The following GNAQ variants were observed in gnomAD, a reference collection of about 807,000 sequenced individuals.
The protein encoded by GNAQ is guanine nucleotide-binding protein G(q) subunit alpha.
GNAQ carries 8 observed loss-of-function variants against 43.9 expected under a neutral mutation model. The ratio of observed to expected loss-of-function variants is 0.18; its 90% CI spans 0.11 to 0.33. The LOEUF (loss-of-function observed/expected upper bound fraction) is 0.33, where lower values mean the gene tolerates loss of function less well. Among genes scored for constraint, GNAQ ranks in the 10% least tolerant of loss-of-function variants. GNAQ has a pLI of 1.00. For synonymous variants in GNAQ, 155 were observed against 170.7 expected (o/e 0.91, Z 0.71); for missense variants, 158 against 450.8 (o/e 0.35, Z 5.88).
At chr9:77,960,783 T>C (rs17789364) in intron 1 of GNAQ, among the ~76,000 whole-genome samples, 5 of 115,554 alleles carry the variant, frequency 4.3e-5, no homozygotes, top group African/African-American at 1.6e-4. Flanking sequence ...CTAAAAAAAA[T>C]GATCTATTCA....
At chr9:77,946,602 C>G (rs1174475576) in intron 1 of GNAQ, among the ~76,000 whole-genome samples, 1 of 152,162 alleles carries the variant, frequency 6.6e-6, no homozygotes, top group Non-Finnish European at 1.5e-5. Flanking sequence ...AAAAACCAGT[C>G]TCTTCAAATA....
intron 1 of GNAQ, among the ~76,000 whole-genome samples, chr9:77,992,928 G>A (rs1249955341): frequency 3.9e-5 from 6 of 152,146 alleles, no homozygotes; most frequent in Non-Finnish European, 8.8e-5. Flanking sequence ...CTGTGCAACA[G>A]GGGCAAGACT....
intron 2 of GNAQ, among the ~76,000 whole-genome samples, chr9:77,828,416 C>T (rs1031007729): frequency 9.2e-5 from 14 of 152,220 alleles, no homozygotes; most frequent in Admixed American, 3.3e-4. Flanking sequence ...TGTAGTAGGG[C>T]CTCAGACTTT....
intron 5 of GNAQ, among the ~76,000 whole-genome samples, chr9:77,793,256 G>C (rs1826605468): frequency 6.6e-6 from 1 of 152,030 alleles, no homozygotes; most frequent in Non-Finnish European, 1.5e-5. Flanking sequence ...TAGAGTTATT[G>C]GGGGCAACTG....
intron 5 of GNAQ, among the ~76,000 whole-genome samples, chr9:77,741,612 G>A (rs764965431): frequency 4.6e-5 from 7 of 152,054 alleles, no homozygotes; most frequent in Non-Finnish European, 5.9e-5. Flanking sequence ...TTAGTGTCAG[G>A]GCAGTATATT....
chr9:77,911,133 G>A (rs866516194), intron 2 of GNAQ, among the ~76,000 whole-genome samples: 6 of 152,156 alleles, frequency 3.9e-5, no homozygotes, highest in African/African-American at 4.8e-5. Context: ...CTGAGCTGTG[G>A]CTGTGGAAGC....
chr9:77,946,059 G>C (rs956830608), intron 1 of GNAQ, among the ~76,000 whole-genome samples: 3 of 152,160 alleles, frequency 2.0e-5, no homozygotes, highest in African/African-American at 7.2e-5. Context: ...ATAGTTCACA[G>C]AACAAAATAT....
intron 5 of GNAQ, among the ~76,000 whole-genome samples, chr9:77,762,111 C>A (rs569565399): frequency 7.9e-6 from 1 of 126,406 alleles, no homozygotes; most frequent in South Asian, 2.6e-4. Flanking sequence ...CCGCCCCATC[C>A]GGGAGGGAGG....
intron 5 of GNAQ, among the ~76,000 whole-genome samples, chr9:77,759,649 G>A (rs186641010): frequency 2.0e-5 from 3 of 152,190 alleles, no homozygotes; most frequent in Admixed American, 2.0e-4. Flanking sequence ...CGTAACTTAG[G>A]AAACCATGCC....
intron 2 of GNAQ, among the ~76,000 whole-genome samples, chr9:77,894,312 A>AATATATAATAGAAAATATATATT (rs1828452280): frequency 5.6e-4 from 1 of 1,798 alleles, no homozygotes; most frequent in Non-Finnish European, 1.1e-3. Context: ...GAATATATAT[A>AATATATAATAGAAAATATATATT]ATATATATTT....
chr9:77,758,552 T>C (rs1486827163), intron 5 of GNAQ, among the ~76,000 whole-genome samples: 1 of 152,204 alleles, frequency 6.6e-6, no homozygotes, highest in African/African-American at 2.4e-5. Context: ...TCAAAATATA[T>C]ACAAAGTAGG....
At chr9:77,876,512 T>C (rs1232062438) in intron 2 of GNAQ, among the ~76,000 whole-genome samples, 1 of 152,234 alleles carries the variant, frequency 6.6e-6, no homozygotes, top group Non-Finnish European at 1.5e-5. Context: ...CAGGGACTTA[T>C]TATAATTGTT....
At chr9:77,736,116 C>T (rs977211009) in intron 5 of GNAQ, among the ~76,000 whole-genome samples, 1 of 152,206 alleles carries the variant, frequency 6.6e-6, no homozygotes, top group Non-Finnish European at 1.5e-5. Context: ...AATTTATCCA[C>T]GTTATCAAAT....
At chr9:77,995,589 C>A (rs529220004) in intron 1 of GNAQ, among the ~76,000 whole-genome samples, 1 of 152,224 alleles carries the variant, frequency 6.6e-6, no homozygotes, top group South Asian at 2.1e-4. Flanking sequence ...CTCCTGGACT[C>A]AAGTGACCCT....
Position 77,866,454 on chromosome 9 carries a change from A to AAC in GNAQ, c.322-50685_322-50684insGT, listed in dbSNP as rs1249812782. Among the ~76,000 whole-genome samples the AAC allele has an allele frequency of 3.9e-5, 6 of 152,304 alleles. No homozygotes were observed. The East Asian group carries it at 1.2e-3, about 29-fold the overall frequency. On this transcript the variant is annotated intron_variant, in intron 2 of 6. Coordinates refer to ENST00000286548, the MANE Select transcript of GNAQ (RefSeq NM_002072.5). ...TACTGTCTCAAAAAATAAATAAATA[A>AAC]TTAAAAATTAAAAATTAAAACTAAA... is the stretch of plus-strand genomic sequence containing the variant.
At chr9:78,018,960 C>T (rs1314545351) in intron 1 of GNAQ, among the ~76,000 whole-genome samples, 1 of 152,102 alleles carries the variant, frequency 6.6e-6, no homozygotes. Context: ...AAACATCCTC[C>T]CACCCGCTGC....
At chr9:77,872,187 A>C (rs895590971) in intron 2 of GNAQ, among the ~76,000 whole-genome samples, 1 of 152,362 alleles carries the variant, frequency 6.6e-6, no homozygotes, top group African/African-American at 2.4e-5. Context: ...AGTAATTGCA[A>C]CTATGCAATA....
chr9:77,751,186 T>A (rs185731938), intron 5 of GNAQ, among the ~76,000 whole-genome samples: 2 of 152,348 alleles, frequency 1.3e-5, no homozygotes, highest in East Asian at 3.9e-4. Flanking sequence ...GGGAAATTAG[T>A]AATGGCCTGC....
In GNAQ at chr9:77,863,152, C is replaced by T. The variant is rs116503930; in HGVS notation, c.322-47382G>A. ...CTGAACCATTGTTCTCCAGCCTGGG[C>T]AACAAGAATGAAACTCCGTATGAAA... On this transcript the variant is annotated intron_variant, in intron 2 of 6. Coordinates refer to ENST00000286548, the MANE Select transcript of GNAQ (RefSeq NM_002072.5). Among the ~76,000 whole-genome samples the T allele has an allele frequency of 5.0e-3, 642 of 128,458 alleles. 4 individuals are homozygous for T. The highest frequency in any genetic ancestry group is 0.017 in the African/African-American group (615 of 35,350). The allele number at this position is 128,458 out of a possible 152,430, so 84.3% of individuals were successfully genotyped here.
Sources: gnomAD v4.1 joint callset for allele counts (sites outside exome capture counted in the v4.1 genomes callset) on GRCh38, gnomAD v4.1.1 for gene constraint, MANE v1.5 for transcripts, NCBI Gene and HGNC (gene_info 2026-07-23, HGNC 2026-07-21) for gene names.